EPHA5: variants seen among roughly 807,000 people sequenced by gnomAD.
EPHA5 encodes ephrin type-A receptor 5.
A neutral mutation model predicts 105.0 loss-of-function variants in EPHA5; 60 were observed. The observed-to-expected ratio is 0.57, with a 90% CI of 0.46 to 0.71. The LOEUF is 0.71. EPHA5 is among the 30% of genes least tolerant of loss of function. The probability of loss-of-function intolerance (pLI) is 0.00; values close to 1 mark genes in which losing one functional copy is unlikely to be tolerated. For missense variants in EPHA5, 1,218 were observed against 1,274.7 expected, an observed-to-expected ratio of 0.96 and a Z score of 0.68; for synonymous variants, 513 against 449.1, an observed-to-expected ratio of 1.14 and a Z score of -1.80.
At chr4:65,515,376 G>A (rs113533724) in intron 3 of EPHA5, among the ~76,000 whole-genome samples, 20 of 152,008 alleles carry the variant, frequency 1.3e-4, no homozygotes, top group East Asian at 7.7e-4. Context: ...CCAATTCTAC[G>A]AATGAAGTCT....
intron 16 of EPHA5, among the ~76,000 whole-genome samples, chr4:65,329,136 G>A (rs1720360063): frequency 6.6e-6 from 1 of 151,278 alleles, no homozygotes; most frequent in Non-Finnish European, 1.5e-5. Flanking sequence ...CTCACCTCAA[G>A]CTCACAATTA....
At chr4:65,630,675 T>C (rs1351609597) in intron 2 of EPHA5, among the ~76,000 whole-genome samples, 2 of 152,124 alleles carry the variant, frequency 1.3e-5, no homozygotes, top group Non-Finnish European at 2.9e-5. Flanking sequence ...TCTTCTGCCT[T>C]AGGTTGCCTC....
At chr4:65,565,783 TA>T (rs905117664) in intron 3 of EPHA5, among the ~76,000 whole-genome samples, 3 of 151,474 alleles carry the variant, frequency 2.0e-5, no homozygotes, top group Non-Finnish European at 3.0e-5. Flanking sequence ...TAAAATGCAA[TA>T]AAAAAATTAC....
intron 5 of EPHA5, among the ~76,000 whole-genome samples, chr4:65,449,460 C>G (rs1726871836): frequency 6.6e-6 from 1 of 151,900 alleles, no homozygotes; most frequent in Non-Finnish European, 1.5e-5. Context: ...ACAACAAAAC[C>G]CAAGAACAGA....
At chr4:65,488,300 C>T (rs1472598139) in intron 5 of EPHA5, among the ~76,000 whole-genome samples, 1 of 152,090 alleles carries the variant, frequency 6.6e-6, no homozygotes, top group African/African-American at 2.4e-5. Context: ...GAATACCTTT[C>T]AAAGAAGTTA....
chr4:65,495,246 A>C (rs541452229), intron 4 of EPHA5, 142 bp downstream of exon 4: 1 of 859,594 alleles, frequency 1.2e-6, no homozygotes, highest in South Asian at 2.6e-5. Flanking sequence ...GGAGATTGAA[A>C]ATTGGTGAAA....
chr4:65,553,355 T>A (rs759760667), intron 3 of EPHA5, among the ~76,000 whole-genome samples: 21 of 152,108 alleles, frequency 1.4e-4, no homozygotes, highest in Non-Finnish European at 2.6e-4. Context: ...AGAAGAATGA[T>A]ACCTTGAAGG....
chr4:65,452,395 A>G (rs974374205), intron 5 of EPHA5, among the ~76,000 whole-genome samples: 3 of 152,128 alleles, frequency 2.0e-5, no homozygotes, highest in Admixed American at 6.5e-5. Flanking sequence ...AAGGTAATTC[A>G]TATACAAATG....
intron 9 of EPHA5, 21 bp downstream of exon 9, chr4:65,367,336 T>G (rs1342523157): frequency 6.9e-6 from 11 of 1,597,852 alleles, no homozygotes; most frequent in Non-Finnish European, 6.8e-6. Context: ...ATTCTATTTT[T>G]ATTTTTTACA....
At chr4:65,387,380 T>A (rs940804092) in intron 8 of EPHA5, among the ~76,000 whole-genome samples, 3 of 151,964 alleles carry the variant, frequency 2.0e-5, no homozygotes, top group African/African-American at 7.2e-5. Flanking sequence ...ATATTTGAGA[T>A]ATACAGAAGT....
chr4:65,521,028 T>G (rs1377797841), intron 3 of EPHA5, among the ~76,000 whole-genome samples: 3 of 152,118 alleles, frequency 2.0e-5, no homozygotes, highest in Admixed American at 2.0e-4. Context: ...TTACAGAGTA[T>G]ATACCCAAAA....
In EPHA5 at chr4:65,323,968, A is replaced by T. The variant is rs533588379; in HGVS notation, c.*146T>A. The stretch of plus-strand genomic sequence containing the variant: ...AACTGGATACTTCAGTAAAACCATG[A>T]TTACAAATTCTGTGGCTGAGGCAAA... On this transcript the variant is annotated 3_prime_UTR_variant, in exon 17 of 17. Transcript: ENST00000613740. 98 of 565,378 alleles carry T rather than the reference A, an allele frequency of 1.7e-4. No individual in the cohort carries two copies. The highest frequency in any genetic ancestry group is 2.7e-4 in the Non-Finnish European group (86 of 319,452). 35.0% of individuals were successfully genotyped at this position (565,378 alleles called of 1,614,324 possible).
In EPHA5 at chr4:65,348,117, T is replaced by C; in HGVS notation, c.2532A>G (p.Gly844=). 6.2e-7 allele frequency: 1 copy of C among 1,613,576 alleles called. No individual in the cohort carries two copies. Among genetic ancestry groups the C allele is most frequent in the African/African-American group, 1.3e-5 (1 of 75,004 alleles). Residue 844 remains glycine, a synonymous_variant, in exon 14 of 17, where the codon GGA becomes GGG. Coordinates refer to ENST00000613740, the MANE Select transcript of EPHA5 (RefSeq NM_001281766.3). The stretch of plus-strand genomic sequence containing the variant: ...AAGACACAACTTCCCACATTACTAT[T>C]CCATAACTCCAGACATCACTGGCAG... ...FTSASDVWSY[G]IVMWEVVSYG... is the part of the protein sequence containing the mutation.
chr4:65,527,793 T>C (rs1410499212), intron 3 of EPHA5, among the ~76,000 whole-genome samples: 1 of 152,058 alleles, frequency 6.6e-6, no homozygotes, highest in Non-Finnish European at 1.5e-5. Context: ...ATCACTTAGG[T>C]ATTAAGCCCG....
At chr4:65,388,517 T>G (rs4563540) in intron 8 of EPHA5, among the ~76,000 whole-genome samples, 43 of 149,370 alleles carry the variant, frequency 2.9e-4, no homozygotes, top group Admixed American at 7.4e-4. Context: ...ATTCTAACTG[T>G]TGTGAGATGG....
intron 5 of EPHA5, among the ~76,000 whole-genome samples, chr4:65,465,794 C>T (rs746468244): frequency 2.4e-4 from 36 of 152,158 alleles, no homozygotes; most frequent in Non-Finnish European, 4.4e-4. Context: ...AAAATATAAC[C>T]TGGAATTTCC....
At chr4:65,660,617 T>G (rs1271451682) in intron 1 of EPHA5, among the ~76,000 whole-genome samples, 3 of 152,132 alleles carry the variant, frequency 2.0e-5, no homozygotes, top group Admixed American at 2.0e-4. Flanking sequence ...ACCTTTTGGA[T>G]GTACCTTTAC....
rs185483916 is a variant in EPHA5, at chr4:65,343,955, C to T, written c.2595+4099G>A. On this transcript the variant is annotated intron_variant, in intron 14 of 16. Coordinates refer to ENST00000613740, the MANE Select transcript of EPHA5 (RefSeq NM_001281766.3). ...AGTTATCTGAAAGAGTATCAAGACA[C>T]TCAAATAGCTGAAATCAGGAAAATA... Among the ~76,000 whole-genome samples the T allele has an allele frequency of 4.3e-3, 644 of 151,488 alleles. 1 individual carries two copies. Among genetic ancestry groups the T allele is most frequent in the Non-Finnish European group, 7.3e-3 (497 of 67,912 alleles).
chr4:65,402,056 G>A (rs547398797), intron 8 of EPHA5, among the ~76,000 whole-genome samples: 37 of 152,134 alleles, frequency 2.4e-4, no homozygotes, highest in African/African-American at 3.9e-4. Context: ...TCATGCGAGC[G>A]GTTTTCCACA....
Sources: allele counts gnomAD v4.1 joint callset (sites outside exome capture counted in the v4.1 genomes callset), GRCh38; gene constraint gnomAD v4.1.1; transcripts MANE v1.5; gene names NCBI Gene and HGNC (gene_info 2026-07-23, HGNC 2026-07-21).